Variants in PRKG1 observed in about 807,000 individuals in gnomAD.
The protein encoded by PRKG1 is protein kinase cGMP-dependent 1, also known as cGMP-dependent protein kinase 1.
A neutral mutation model predicts 88.1 loss-of-function variants in PRKG1; 35 were observed. That is an observed-to-expected ratio of 0.40 (90% confidence interval 0.30 to 0.53). The LOEUF is 0.53. Among genes scored for constraint, PRKG1 ranks in the 20% least tolerant of loss-of-function variants. The probability of loss-of-function intolerance (pLI) is 0.59; values close to 1 mark genes in which losing one functional copy is unlikely to be tolerated. For synonymous variants in PRKG1, 303 were observed against 292.5 expected (o/e 1.04, Z -0.37); for missense variants, 540 against 839.8 (o/e 0.64, Z 4.41).
intron 4 of PRKG1, among the ~76,000 whole-genome samples, chr10:51,853,386 T>C (rs1840604660): frequency 6.6e-6 from 1 of 152,174 alleles, no homozygotes; most frequent in Admixed American, 6.6e-5. Flanking sequence ...GCATCTGCTA[T>C]GTGTGGTTAG....
At chr10:51,943,811 A>G (rs887756760) in intron 5 of PRKG1, among the ~76,000 whole-genome samples, 8 of 151,990 alleles carry the variant, frequency 5.3e-5, no homozygotes, top group Non-Finnish European at 7.3e-5. Flanking sequence ...AGCCCACTTG[A>G]TCATGGTGGA....
At chr10:51,844,884 T>C (rs1339438399) in intron 4 of PRKG1, among the ~76,000 whole-genome samples, 1 of 152,140 alleles carries the variant, frequency 6.6e-6, no homozygotes, top group East Asian at 1.9e-4. Flanking sequence ...CAGTGGATTA[T>C]TGGTCCACAG....
chr10:51,198,818 T>C (rs75799522), intron 2 of PRKG1, among the ~76,000 whole-genome samples: 1,536 of 152,310 alleles, frequency 0.01, 26 homozygotes, highest in East Asian at 0.043. Context: ...ATTTAAAGGT[T>C]TGATAGAAAT....
intron 3 of PRKG1, among the ~76,000 whole-genome samples, chr10:51,701,872 A>G (rs1841477725): frequency 6.6e-6 from 1 of 152,120 alleles, no homozygotes; most frequent in African/African-American, 2.4e-5. Context: ...AACCACCTTG[A>G]GCCATGGCTT....
intron 2 of PRKG1, among the ~76,000 whole-genome samples, chr10:51,279,783 C>T (rs890728192): frequency 2.6e-5 from 4 of 152,110 alleles, no homozygotes; most frequent in Non-Finnish European, 2.9e-5. Context: ...ATTTGAGATG[C>T]GTCTCCTGAA....
At chr10:51,913,555 G>A (rs1210854623) in intron 5 of PRKG1, among the ~76,000 whole-genome samples, 1 of 151,846 alleles carries the variant, frequency 6.6e-6, no homozygotes, top group Non-Finnish European at 1.5e-5. Flanking sequence ...AAGAACAAAT[G>A]AGAGTTTTCT....
At chr10:51,989,256 A>G (rs1258970261) in intron 5 of PRKG1, among the ~76,000 whole-genome samples, 1 of 152,100 alleles carries the variant, frequency 6.6e-6, no homozygotes, top group East Asian at 1.9e-4. Flanking sequence ...GTCTTATTAT[A>G]TGAGGTCTTA....
chr10:51,860,110 A>G (rs1482192284), intron 4 of PRKG1, among the ~76,000 whole-genome samples: 2 of 152,178 alleles, frequency 1.3e-5, no homozygotes, highest in African/African-American at 4.8e-5. Context: ...AATAGGGTAA[A>G]TAAGTACCCT....
chr10:52,124,813 A>G (rs1385412116), intron 7 of PRKG1, among the ~76,000 whole-genome samples: 1 of 151,940 alleles, frequency 6.6e-6, no homozygotes, highest in East Asian at 1.9e-4. Flanking sequence ...TACTTTTCGA[A>G]GTTTTTTTGT....
At chr10:51,698,682 G>A (rs750664294) in intron 3 of PRKG1, 1 of 1,614,210 alleles carries the variant, frequency 6.2e-7, no homozygotes, top group South Asian at 1.1e-5. Flanking sequence ...GGCATTCCAA[G>A]TTGGGGCTGC....
chr10:51,082,273 G>C (rs115976692), intron 1 of PRKG1, among the ~76,000 whole-genome samples: 1 of 152,130 alleles, frequency 6.6e-6, no homozygotes, highest in Non-Finnish European at 1.5e-5. Flanking sequence ...TTAGGTAGCT[G>C]CAGGAAAACT....
intron 3 of PRKG1, among the ~76,000 whole-genome samples, chr10:51,651,060 C>A (rs1840026686): frequency 6.6e-6 from 1 of 152,136 alleles, no homozygotes; most frequent in Non-Finnish European, 1.5e-5. Context: ...TGGGTAAAGG[C>A]CAGGGATTCT....
At chr10:51,612,800 C>T (rs1268816465) in intron 3 of PRKG1, among the ~76,000 whole-genome samples, 1 of 151,752 alleles carries the variant, frequency 6.6e-6, no homozygotes, top group Non-Finnish European at 1.5e-5. Flanking sequence ...TGTTTTTATG[C>T]CTCATTTGGT....
chr10:51,892,540 G>T (rs528103361), intron 4 of PRKG1, among the ~76,000 whole-genome samples: 2 of 152,154 alleles, frequency 1.3e-5, no homozygotes, highest in African/African-American at 4.8e-5. Flanking sequence ...GAGATGAGAG[G>T]TTGAGCAAGA....
intron 2 of PRKG1, among the ~76,000 whole-genome samples, chr10:51,419,860 G>A (rs1838359877): frequency 7.0e-6 from 1 of 143,104 alleles, no homozygotes. Context: ...GACAAGATTT[G>A]TCTAGTGTAG....
At chr10:51,720,644 G>A (rs562047523) in intron 3 of PRKG1, among the ~76,000 whole-genome samples, 1 of 152,262 alleles carries the variant, frequency 6.6e-6, no homozygotes, top group African/African-American at 2.4e-5. Flanking sequence ...AACAACATGT[G>A]CAACTGGGAA....
intron 4 of PRKG1, among the ~76,000 whole-genome samples, chr10:51,806,719 C>T (rs1839317071): frequency 6.6e-6 from 1 of 152,158 alleles, no homozygotes; most frequent in African/African-American, 2.4e-5. Context: ...CAGTGGAGCA[C>T]AGTTCCTGTT....
At chr10:51,272,366 G>T (rs1431242791) in intron 2 of PRKG1, among the ~76,000 whole-genome samples, 3 of 151,998 alleles carry the variant, frequency 2.0e-5, no homozygotes, top group African/African-American at 7.3e-5. Context: ...TGGGGTGGGG[G>T]GCTAGGGGAG....
At chr10:51,316,607 G>A (rs1318121422) in intron 2 of PRKG1, among the ~76,000 whole-genome samples, 4 of 152,052 alleles carry the variant, frequency 2.6e-5, no homozygotes, top group Non-Finnish European at 4.4e-5. Flanking sequence ...GCTTGAACCC[G>A]GGAGATGGAG....
Sources: allele counts gnomAD v4.1 joint callset (sites outside exome capture counted in the v4.1 genomes callset), GRCh38; gene constraint gnomAD v4.1.1; transcripts MANE v1.5; gene names NCBI Gene and HGNC (gene_info 2026-07-23, HGNC 2026-07-21).